ID4: variants seen among roughly 807,000 people sequenced by gnomAD.
ID4 encodes the protein DNA-binding protein inhibitor ID-4.
In ID4, 9 loss-of-function variants were observed where a neutral mutation model predicts 8.6. That is an observed-to-expected ratio of 1.04 (90% CI 0.63 to 1.82). ID4 has a LOEUF of 1.82. Ranked by LOEUF, ID4 falls within the 40% of genes most tolerant of loss-of-function variation. The pLI is 0.00. For missense variants in ID4, 270 were observed against 235.1 expected (o/e 1.15, Z -0.97); for synonymous variants, 180 against 118.0 (o/e 1.53, Z -3.41).
Position 19,840,177 on chromosome 6 carries a change from T to C in ID4, c.*982T>C, listed in dbSNP as rs1027511320. ...ATATATACAGAGTAAGTGTTTGTTT[T>C]TGTTTTTCAACTGAGGTCAAAATGG... On this transcript the variant is annotated 3_prime_UTR_variant, in exon 3 of 3. Transcript: ENST00000378700. The C allele has an allele frequency of 1.3e-5, 2 of 152,588 alleles. No homozygotes were observed. The highest frequency in any genetic ancestry group is 2.4e-5 in the African/African-American group (1 of 41,420). 9.5% of individuals were successfully genotyped at this position (152,588 alleles called of 1,614,324 possible). A position where few individuals can be genotyped will look rare whatever the true frequency, so the allele number is the denominator to read the frequency against.
rs763104148 is a variant in ID4 at position 19,838,594 on chromosome 6, T to A, written c.452T>A (p.Val151Glu). The change falls in exon 2 of 3, where the codon GTG becomes GAG. Residue 151 changes from valine (V) to glutamate (E), a missense_variant. Physicochemically the swap from Val to Glu is moderately radical, Grantham distance 121. Around this residue, in one of 3 missense-constraint regions of ID4, gnomAD observed 107 missense variants for 81.0 expected, o/e 1.32. Coordinates refer to ENST00000378700, the MANE Select transcript of ID4 (RefSeq NM_001546.4). ...CGGTTGCTGTTCCAGGCCGGCGCGG[T>A]GAACAAGCAGGGCGACAGCATTCTG... ...TALNTDPAGAVNKQGDSILCR is the reference protein window; with the variant it reads ...TALNTDPAGAENKQGDSILCR 6.2e-7 allele frequency: 1 copy of A among 1,613,884 alleles called. No homozygotes were observed. The highest frequency in any genetic ancestry group is 2.2e-5 in the East Asian group (1 of 44,834).
At position 19,837,859 on chromosome 6, in the gene ID4, G is replaced by C. The variant is rs1233048814; in HGVS notation, c.105G>C (p.Leu35=). ...GCCTGGCCGAGCACGGCCACAGCCT[G>C]GGTGGCTCCGCAGCCGCGGCGGCGG... The part of the protein sequence containing the change: ...LRCLAEHGHS[L]GGSAAAAAAA... Residue 35 remains leucine (L), a synonymous_variant, in exon 1 of 3, where the codon CTG becomes CTC. Coordinates refer to ENST00000378700, the MANE Select transcript of ID4 (RefSeq NM_001546.4). The C allele has an allele frequency of 6.4e-6, 8 of 1,257,820 alleles. No homozygotes were observed. Among genetic ancestry groups the C allele is most frequent in the Middle Eastern group, 3.1e-4 (1 of 3,212 alleles). 77.9% of individuals were successfully genotyped at this position (1,257,820 alleles called of 1,614,324 possible).
In ID4 at chr6:19,841,900, A is replaced by G. The variant is rs986687808; in HGVS notation, c.*2705A>G. Among the ~76,000 whole-genome samples, 11 of 152,200 alleles carry G rather than the reference A, an allele frequency of 7.2e-5. No individual in the cohort carries two copies. The highest frequency in any genetic ancestry group is 1.5e-4 in the Non-Finnish European group (10 of 68,022). On this transcript the variant is annotated 3_prime_UTR_variant, in exon 3 of 3. Transcript: ENST00000378700. Reference sequence around the variant, plus strand: ...ATTTCATTTGTAGACTTTTCATTGTATAGGCACAACCAAAGAGTCAGACTG... The same window carrying G: ...ATTTCATTTGTAGACTTTTCATTGTGTAGGCACAACCAAAGAGTCAGACTG...
chr6:19,838,554 C>G (rs776868548), intron 1 of ID4, 30 bp from the exon 2 acceptor site: 54 of 1,613,716 alleles, frequency 3.3e-5, no homozygotes, highest in African/African-American at 8.0e-5. Context: ...GCCTGCTAAC[C>G]TTTCCCTTGG....
Position 19,837,426 on chromosome 6 carries a change from G to A in ID4, c.-329G>A, listed in dbSNP as rs1581593947. The stretch of plus-strand genomic sequence containing the variant: ...TAGTACCGGGAGTGGGGTGATCCCG[G>A]GCTAGGGGAGCGCGGCGGCCGCGAT... On this transcript the variant is annotated 5_prime_UTR_variant, in exon 1 of 3. Transcript: ENST00000378700. 6.4e-6 allele frequency: 1 copy of A among 155,472 alleles called. No homozygotes were observed. The highest frequency in any genetic ancestry group is 2.1e-4 in the South Asian group (1 of 4,870). 9.6% of individuals were successfully genotyped at this position (155,472 alleles called of 1,614,324 possible).
In ID4 at chr6:19,840,609, C is replaced by G. The variant is rs562604752; in HGVS notation, c.*1414C>G. 1.3e-5 allele frequency: 2 copies of G among 152,488 alleles called. No homozygotes were observed. The highest frequency in any genetic ancestry group is 2.9e-5 in the Non-Finnish European group (2 of 68,000). The allele number at this position is 152,488 out of a possible 1,614,324, so 9.4% of individuals were successfully genotyped here. On this transcript the variant is annotated 3_prime_UTR_variant, in exon 3 of 3. Transcript: ENST00000378700. ...AATGATTTTCACTATAGCTATGTTA[C>G]GCTAAGCTACTGTCCAATCTCTTGT...
chr6:19,837,571 A>C lies in ID4; in HGVS notation c.-184A>C, dbSNP rs1761243045. 1 of 269,512 alleles carries C rather than the reference A, an allele frequency of 3.7e-6. No individual in the cohort carries two copies. Among genetic ancestry groups the C allele is most frequent in the African/African-American group, 2.3e-5 (1 of 43,686 alleles). 16.7% of individuals were successfully genotyped at this position (269,512 alleles called of 1,614,324 possible). A position where few individuals can be genotyped will look rare whatever the true frequency, so the allele number is the denominator to read the frequency against. The stretch of plus-strand genomic sequence containing the variant: ...GCTGAGTGTCGCCCACTGAGCAAAG[A>C]TTCCCTCGTAAAACCCAGAGCGACC... On this transcript the variant is annotated 5_prime_UTR_variant, in exon 1 of 3. Transcript: ENST00000378700.
In ID4 at chr6:19,839,630, T is replaced by C. The variant is rs1581596007; in HGVS notation, c.*435T>C. 6.6e-6 allele frequency: 1 copy of C among 152,550 alleles called. No individual in the cohort carries two copies. The highest frequency in any genetic ancestry group is 1.9e-4 in the East Asian group (1 of 5,178). 9.4% of individuals were successfully genotyped at this position (152,550 alleles called of 1,614,324 possible). A position where few individuals can be genotyped will look rare whatever the true frequency, so the allele number is the denominator to read the frequency against. ...GCATTGTAGATATTTTTTTTTTACA[T>C]CTATTGTTTAAAATAGATGATTATA... On this transcript the variant is annotated 3_prime_UTR_variant, in exon 3 of 3. Coordinates refer to ENST00000378700, the MANE Select transcript of ID4 (RefSeq NM_001546.4).
Position 19,837,922 on chromosome 6 carries a change from G to T in ID4, c.168G>T (p.Ala56=). 1 of 1,431,148 alleles carries T rather than the reference G, an allele frequency of 7.0e-7. No homozygotes were observed. The highest frequency in any genetic ancestry group is 2.5e-5 in the Admixed American group (1 of 40,108). The allele number at this position is 1,431,148 out of a possible 1,614,324, so 88.7% of individuals were successfully genotyped here. A position where few individuals can be genotyped will look rare whatever the true frequency, so the allele number is the denominator to read the frequency against. The stretch of plus-strand genomic sequence containing the variant: ...CGCGCTGTAAGGCGGCCGAGGCGGC[G>T]GCCGACGAGCCGGCGCTGTGCCTGC... The part of the protein sequence containing the change: ...AAARCKAAEA[A]ADEPALCLQC... The change falls in exon 1 of 3, where the codon GCG becomes GCT. Residue 56 remains alanine, a synonymous_variant. Transcript: ENST00000378700.
Position 19,838,137 on chromosome 6 carries a change from C to G in ID4, c.383C>G (p.Ala128Gly). ...CCGCCCGCGCCGCCACACCACCCGG[C>G]CGGGACCTGTCCAGCCGCGCCGCCG... is the stretch of plus-strand genomic sequence containing the variant. Reference protein sequence around the residue: ...PPPPAPPHHPAGTCPAAPPRT... With the variant: ...PPPPAPPHHPGGTCPAAPPRT... Residue 128 changes from alanine (A) to glycine (G), a missense_variant, in exon 1 of 3, where the codon GCC (alanine) becomes GGC (glycine). By Grantham distance (60) the Ala-to-Gly change is moderately conservative. This residue lies in a region of ID4 where 107 missense variants were observed against 81.0 expected (regional missense o/e 1.32). Coordinates refer to ENST00000378700, the MANE Select transcript of ID4 (RefSeq NM_001546.4). 1 of 1,565,626 alleles carries G rather than the reference C, an allele frequency of 6.4e-7. No individual in the cohort carries two copies. The highest frequency in any genetic ancestry group is 1.4e-5 in the African/African-American group (1 of 72,856).
chr6:19,839,074 G>A (rs1761301423), intron 2 of ID4, 136 bp from the exon 3 acceptor site: 4 of 211,144 alleles, frequency 1.9e-5, no homozygotes, highest in Admixed American at 1.6e-4. Context: ...GCCTGGCCCG[G>A]CCGCGGGCGG....
At position 19,840,682 on chromosome 6, in the gene ID4, G is replaced by C. The variant is rs1015265624; in HGVS notation, c.*1487G>C. 2.0e-5 allele frequency: 3 copies of C among 152,192 alleles called. No homozygotes were observed. Among genetic ancestry groups the C allele is most frequent in the African/African-American group, 7.3e-5 (3 of 41,356 alleles). 9.4% of individuals were successfully genotyped at this position (152,192 alleles called of 1,614,324 possible). Reference sequence around the variant, plus strand: ...ATATTAAAGTAGATTTCTCTGTCTTGTACTGTGATTTCTGGTCTCATTTCT... The same window carrying C: ...ATATTAAAGTAGATTTCTCTGTCTTCTACTGTGATTTCTGGTCTCATTTCT... On this transcript the variant is annotated 3_prime_UTR_variant, in exon 3 of 3. Transcript: ENST00000378700.
chr6:19,837,703 C>A lies in ID4; in HGVS notation c.-52C>A. 4.6e-6 allele frequency: 5 copies of A among 1,076,448 alleles called. No individual in the cohort carries two copies. The highest frequency in any genetic ancestry group is 5.6e-6 in the Non-Finnish European group (5 of 885,724). The allele number at this position is 1,076,448 out of a possible 1,614,324, so 66.7% of individuals were successfully genotyped here. A position where few individuals can be genotyped will look rare whatever the true frequency, so the allele number is the denominator to read the frequency against. On this transcript the variant is annotated 5_prime_UTR_variant, in exon 1 of 3. Coordinates refer to ENST00000378700, the MANE Select transcript of ID4 (RefSeq NM_001546.4). ...CGGACGGGGCCCGGAGCTTGCCTGC[C>A]TCCCTCGCTCGCCCCAGCGGGTTCG...
rs748478291 is a variant in ID4, at chr6:19,838,112, C to T, written c.358C>T (p.Pro120Ser). 3 of 1,586,702 alleles carry T rather than the reference C, an allele frequency of 1.9e-6. No individual in the cohort carries two copies. The highest frequency in any genetic ancestry group is 2.6e-6 in the Non-Finnish European group (3 of 1,167,910). ...THPALLRQPP[P>S]PAPPHHPAGT... ...CCCGGCCCTGCTGAGGCAGCCACCA[C>T]CGCCCGCGCCGCCACACCACCCGGC... The change falls in exon 1 of 3, where the codon CCG (proline) becomes TCG (serine). Residue 120 changes from proline to serine, a missense_variant. Physicochemically the swap from Pro to Ser is moderately conservative, Grantham distance 74 (BLOSUM62 -1). This residue lies in a region of ID4 where 107 missense variants were observed against 81.0 expected (regional missense o/e 1.32). Coordinates refer to ENST00000378700, the MANE Select transcript of ID4 (RefSeq NM_001546.4).
chr6:19,838,742 TTC>T (rs1761288316), intron 2 of ID4, 100 bp downstream of exon 2: 2 of 1,013,336 alleles, frequency 2.0e-6, no homozygotes, highest in South Asian at 2.9e-5. Context: ...CCCCCAGCGT[TTC>T]TGAGAGCAAA....
rs1227763994 is a variant in ID4, at chr6:19,840,354, TTATTTA to T, written c.*1160_*1165del. On this transcript the variant is annotated 3_prime_UTR_variant, in exon 3 of 3. Transcript: ENST00000378700. Reference sequence around the variant, plus strand: ...TCACTAAGTTTCATGTCTGTACAGATTATTTAAATCATGGAAATGAAAAAAATGTTC... The same window carrying T: ...TCACTAAGTTTCATGTCTGTACAGATAATCATGGAAATGAAAAAAATGTTC... 1 of 152,586 alleles carries T rather than the reference TTATTTA, an allele frequency of 6.6e-6. No homozygotes were observed. The highest frequency in any genetic ancestry group is 6.5e-5 in the Admixed American group (1 of 15,270). The allele number at this position is 152,586 out of a possible 1,614,324, so 9.5% of individuals were successfully genotyped here.
rs1761353619 is a variant in ID4 at position 19,841,184 on chromosome 6, CTT to C, written c.*1990_*1991del. Reference sequence around the variant, plus strand: ...TCCTCAGCTCTGATAATTTACTGGTCTTGAGTATTTTGAGAATTTGATGTTGA... The same window carrying C: ...TCCTCAGCTCTGATAATTTACTGGTCGAGTATTTTGAGAATTTGATGTTGA... On this transcript the variant is annotated 3_prime_UTR_variant, in exon 3 of 3. Coordinates refer to ENST00000378700, the MANE Select transcript of ID4 (RefSeq NM_001546.4). Among the ~76,000 whole-genome samples, 1 of 152,154 alleles carries C rather than the reference CTT, an allele frequency of 6.6e-6. No homozygotes were observed. The highest frequency in any genetic ancestry group is 2.4e-5 in the African/African-American group (1 of 41,438).
chr6:19,838,735 C>G (rs906788118), intron 2 of ID4, 93 bp downstream of exon 2: 1 of 1,137,874 alleles, frequency 8.8e-7, no homozygotes, highest in Non-Finnish European at 1.3e-6. Context: ...TTCTTTGCCC[C>G]CAGCGTTTCT....
Position 19,840,921 on chromosome 6 carries a change from G to T in ID4, c.*1726G>T, listed in dbSNP as rs1294221066. ...AAATAGTCAACTGTGTGTATAACGT[G>T]GTCTGTTTGATTTTTAAAAGGAAAG... On this transcript the variant is annotated 3_prime_UTR_variant, in exon 3 of 3. Transcript: ENST00000378700. Among the ~76,000 whole-genome samples the T allele has an allele frequency of 2.6e-5, 4 of 152,112 alleles. No homozygotes were observed. The highest frequency in any genetic ancestry group is 9.6e-5 in the African/African-American group (4 of 41,478).
Sources: allele counts gnomAD v4.1 joint callset (sites outside exome capture counted in the v4.1 genomes callset), GRCh38; gene constraint gnomAD v4.1.1; regional missense constraint gnomAD v4.1.1; transcripts MANE v1.5; gene names NCBI Gene and HGNC (gene_info 2026-07-23, HGNC 2026-07-21).